Variants in CNTN3 observed in about 807,000 individuals in gnomAD.
The protein encoded by CNTN3 is contactin 3.
In CNTN3, 60 loss-of-function variants were observed where a neutral mutation model predicts 119.1. The ratio of observed to expected loss-of-function variants is 0.50; its 90% CI spans 0.41 to 0.62. The LOEUF (loss-of-function observed/expected upper bound fraction) is 0.62. CNTN3 is among the 20% of genes least tolerant of loss of function. The probability of loss-of-function intolerance (pLI) is 0.00; values close to 1 mark genes in which losing one functional copy is unlikely to be tolerated. For missense variants in CNTN3, 1,101 were observed against 1,242.4 expected, an observed-to-expected ratio of 0.89 and a Z score of 1.71; for synonymous variants, 450 against 438.7, an observed-to-expected ratio of 1.03 and a Z score of -0.32.
chr3:74,387,966 T>C (rs980412264), intron 5 of CNTN3, among the ~76,000 whole-genome samples: 2 of 152,230 alleles, frequency 1.3e-5, no homozygotes, highest in African/African-American at 2.4e-5. Context: ...AAAATGTTCT[T>C]TTCTCTCCTG....
chr3:74,498,491 A>G (rs959069067), intron 3 of CNTN3, among the ~76,000 whole-genome samples: 4 of 151,830 alleles, frequency 2.6e-5, no homozygotes, highest in Admixed American at 2.6e-4. Flanking sequence ...TGGAATTATA[A>G]TGCTTATTTT....
At chr3:74,475,365 C>T (rs1575762724) in intron 4 of CNTN3, among the ~76,000 whole-genome samples, 3 of 152,238 alleles carry the variant, frequency 2.0e-5, no homozygotes, top group South Asian at 2.1e-4. Context: ...CAGCTTACAC[C>T]GTGGTTGCTG....
intron 5 of CNTN3, among the ~76,000 whole-genome samples, chr3:74,373,828 AGAAG>A (rs769054033): frequency 6.6e-6 from 1 of 152,164 alleles, no homozygotes; most frequent in Non-Finnish European, 1.5e-5. Flanking sequence ...GACTGGTAGA[AGAAG>A]GAAGGAAGCC....
At chr3:74,340,026 A>T (rs892290414) in intron 11 of CNTN3, among the ~76,000 whole-genome samples, 3 of 152,150 alleles carry the variant, frequency 2.0e-5, no homozygotes, top group Non-Finnish European at 4.4e-5. Context: ...TAAAATAAAC[A>T]GATAATAACA....
intron 18 of CNTN3, among the ~76,000 whole-genome samples, chr3:74,295,957 C>T (rs534981595): frequency 6.6e-6 from 1 of 152,128 alleles, no homozygotes; most frequent in East Asian, 1.9e-4. Flanking sequence ...AGGCTGGGCC[C>T]CTTAGATTTT....
At chr3:74,575,157 T>C (rs913326918) in intron 1 of CNTN3, among the ~76,000 whole-genome samples, 2 of 152,086 alleles carry the variant, frequency 1.3e-5, no homozygotes, top group Non-Finnish European at 2.9e-5. Flanking sequence ...ACTCCTGGGC[T>C]CAAGCAATCC....
intron 13 of CNTN3, among the ~76,000 whole-genome samples, chr3:74,326,727 G>T (rs779543573): frequency 1.3e-5 from 2 of 151,746 alleles, no homozygotes; most frequent in African/African-American, 2.4e-5. Context: ...GATACTATTG[G>T]GTTTTGAGTA....
chr3:74,306,854 C>T (rs758415779), intron 13 of CNTN3, among the ~76,000 whole-genome samples: 1 of 151,970 alleles, frequency 6.6e-6, no homozygotes, highest in African/African-American at 2.4e-5. Flanking sequence ...GCTGGGAATA[C>T]GATGCTGAAG....
intron 4 of CNTN3, among the ~76,000 whole-genome samples, chr3:74,426,335 A>G (rs1701694974): frequency 6.6e-6 from 1 of 152,234 alleles, no homozygotes. Flanking sequence ...AAGGGCTGAT[A>G]TAAATTACCT....
At chr3:74,549,302 G>C (rs980410479) in intron 1 of CNTN3, among the ~76,000 whole-genome samples, 1 of 152,234 alleles carries the variant, frequency 6.6e-6, no homozygotes, top group Middle Eastern at 3.4e-3. Flanking sequence ...CTTCCGTCAC[G>C]ATTGTAAGTT....
At chr3:74,532,382 A>C (rs1420995132) in intron 1 of CNTN3, among the ~76,000 whole-genome samples, 2 of 152,018 alleles carry the variant, frequency 1.3e-5, no homozygotes, top group Non-Finnish European at 2.9e-5. Context: ...TTGAAACTGC[A>C]GATAGTACCA....
At chr3:74,495,894 C>T (rs1364106137) in intron 3 of CNTN3, among the ~76,000 whole-genome samples, 1 of 151,976 alleles carries the variant, frequency 6.6e-6, no homozygotes, top group East Asian at 1.9e-4. Context: ...AAGAGAATAA[C>T]GTTCTGTTTA....
At chr3:74,547,136 C>G (rs990862351) in intron 1 of CNTN3, among the ~76,000 whole-genome samples, 1 of 152,118 alleles carries the variant, frequency 6.6e-6, no homozygotes, top group African/African-American at 2.4e-5. Context: ...TACATATATT[C>G]ATTTACACGT....
At chr3:74,485,899 G>A (rs139943460) in intron 4 of CNTN3, among the ~76,000 whole-genome samples, 353 of 152,228 alleles carry the variant, frequency 2.3e-3, no homozygotes, top group African/African-American at 7.8e-3. Flanking sequence ...GAGCCCAGGC[G>A]TCAGTGGGAG....
At chr3:74,312,604 T>C (rs940322734) in intron 13 of CNTN3, among the ~76,000 whole-genome samples, 13 of 151,896 alleles carry the variant, frequency 8.6e-5, no homozygotes, top group Non-Finnish European at 1.6e-4. Context: ...GGACAAAGAC[T>C]GAGAAGCACT....
Position 74,596,342 on chromosome 3 carries a change from C to T in CNTN3, c.-81+18049G>A, listed in dbSNP as rs542894747. Among the ~76,000 whole-genome samples the T allele has an allele frequency of 1.5e-4, 23 of 152,022 alleles. 1 individual carries two copies. Among genetic ancestry groups the T allele is most frequent in the African/African-American group, 7.2e-5 (3 of 41,506 alleles). On this transcript the variant is annotated intron_variant, in intron 1 of 22. Coordinates refer to ENST00000263665, the MANE Select transcript of CNTN3 (RefSeq NM_020872.3). The stretch of plus-strand genomic sequence containing the variant: ...ACAGAACTGGAAAAAACTACTTTAA[C>T]GTTCATGTGGAACCAAAAAAGAGCC...
chr3:74,528,099 T>C (rs1186279184), intron 1 of CNTN3, among the ~76,000 whole-genome samples: 1 of 151,874 alleles, frequency 6.6e-6, no homozygotes, highest in Non-Finnish European at 1.5e-5. Context: ...GATCTCTTCT[T>C]TTCCAAGACA....
chr3:74,445,173 C>T (rs187622700), intron 4 of CNTN3, among the ~76,000 whole-genome samples: 2 of 152,228 alleles, frequency 1.3e-5, no homozygotes, highest in Admixed American at 1.3e-4. Flanking sequence ...GGAGGTTACA[C>T]GATGTTTGCA....
intron 5 of CNTN3, among the ~76,000 whole-genome samples, chr3:74,387,991 G>T (rs561278682): frequency 2.0e-5 from 3 of 152,288 alleles, no homozygotes; most frequent in African/African-American, 7.2e-5. Context: ...TGATAAATTT[G>T]CATCCTAGGT....
Sources: gnomAD v4.1 joint callset for allele counts (sites outside exome capture counted in the v4.1 genomes callset) on GRCh38, gnomAD v4.1.1 for gene constraint, MANE v1.5 for transcripts, NCBI Gene and HGNC (gene_info 2026-07-23, HGNC 2026-07-21) for gene names.